Variants in CNTN4 observed in about 807,000 individuals in gnomAD.
CNTN4 encodes the protein contactin 4, also known as contactin-4.
In CNTN4, 77 loss-of-function variants were observed where a neutral mutation model predicts 122.5. That is an observed-to-expected ratio of 0.63 (90% CI 0.52 to 0.76). The LOEUF (loss-of-function observed/expected upper bound fraction) is 0.76, where lower values mean the gene tolerates loss of function less well. Among genes scored for constraint, CNTN4 ranks in the 30% least tolerant of loss-of-function variants. CNTN4 has a pLI of 0.00. For missense variants in CNTN4, 1,256 were observed against 1,259.1 expected, an observed-to-expected ratio of 1.00 and a Z score of 0.04; for synonymous variants, 512 against 447.0, an observed-to-expected ratio of 1.15 and a Z score of -1.83.
intron 6 of CNTN4, among the ~76,000 whole-genome samples, chr3:2,795,614 G>A (rs543147551): frequency 3.3e-5 from 5 of 151,308 alleles, no homozygotes; most frequent in South Asian, 2.1e-4. Flanking sequence ...TCTGCCTCCC[G>A]GGTTCACGCC....
intron 8 of CNTN4, among the ~76,000 whole-genome samples, chr3:2,880,791 T>C (rs571902784): frequency 2.6e-4 from 40 of 152,210 alleles, no homozygotes; most frequent in Non-Finnish European, 5.0e-4. Context: ...CGACTGGTTT[T>C]CTGTGGGACT....
intron 3 of CNTN4, among the ~76,000 whole-genome samples, chr3:2,517,590 C>T (rs58984120): frequency 0.14 from 20,697 of 152,122 alleles, 1,651 homozygotes; most frequent in African/African-American, 0.22. Flanking sequence ...TTCACTTTTC[C>T]TTTACCAAGC....
At chr3:2,982,602 A>T (rs1694134284) in intron 13 of CNTN4, among the ~76,000 whole-genome samples, 1 of 152,188 alleles carries the variant, frequency 6.6e-6, no homozygotes, top group African/African-American at 2.4e-5. Flanking sequence ...TTCCAAATTT[A>T]GCAATCCCAG....
chr3:2,599,816 T>C (rs900017898), intron 4 of CNTN4, among the ~76,000 whole-genome samples: 1 of 152,056 alleles, frequency 6.6e-6, no homozygotes, highest in African/African-American at 2.4e-5. Flanking sequence ...CTGAGGGAAT[T>C]AGATGGAGAA....
chr3:2,282,106 T>G (rs1361468513), intron 2 of CNTN4, among the ~76,000 whole-genome samples: 1 of 152,172 alleles, frequency 6.6e-6, no homozygotes, highest in Non-Finnish European at 1.5e-5. Flanking sequence ...ATATTTATAC[T>G]TTGTTTTCTA....
intron 4 of CNTN4, among the ~76,000 whole-genome samples, chr3:2,671,237 T>C (rs1383898855): frequency 6.6e-6 from 1 of 152,220 alleles, no homozygotes; most frequent in Non-Finnish European, 1.5e-5. Context: ...CAAACAGACG[T>C]AGATTTGGTC....
intron 6 of CNTN4, among the ~76,000 whole-genome samples, chr3:2,814,960 C>G (rs6802925): frequency 1.3e-5 from 2 of 152,078 alleles, no homozygotes; most frequent in Non-Finnish European, 2.9e-5. Context: ...GCCACAGTGA[C>G]AGAGCATTAT....
At chr3:2,148,582 A>G (rs932962657) in intron 2 of CNTN4, among the ~76,000 whole-genome samples, 1 of 152,052 alleles carries the variant, frequency 6.6e-6, no homozygotes, top group African/African-American at 2.4e-5. Flanking sequence ...TCTAACTGTA[A>G]TTTTCTAACT....
At chr3:2,190,670 C>T (rs1159402710) in intron 2 of CNTN4, among the ~76,000 whole-genome samples, 1 of 151,998 alleles carries the variant, frequency 6.6e-6, no homozygotes, top group Non-Finnish European at 1.5e-5. Flanking sequence ...CCCCATTCTC[C>T]ATTCATCCTA....
intron 4 of CNTN4, among the ~76,000 whole-genome samples, chr3:2,724,523 C>T (rs1281034307): frequency 2.0e-5 from 3 of 152,200 alleles, no homozygotes; most frequent in Admixed American, 6.5e-5. Flanking sequence ...TTTCAGATTA[C>T]TCCCTTTCAC....
intron 3 of CNTN4, among the ~76,000 whole-genome samples, chr3:2,464,630 G>T (rs1161193122): frequency 6.6e-6 from 1 of 152,166 alleles, no homozygotes; most frequent in African/African-American, 2.4e-5. Flanking sequence ...ACATTATTGG[G>T]ATTTTACATT....
At chr3:2,332,684 ACAC>A (rs1335860287) in intron 2 of CNTN4, among the ~76,000 whole-genome samples, 3 of 140,006 alleles carry the variant, frequency 2.1e-5, no homozygotes, top group Non-Finnish European at 4.6e-5. Flanking sequence ...GAACACATGG[ACAC>A]AGGAAGGGTA....
intron 4 of CNTN4, among the ~76,000 whole-genome samples, chr3:2,714,121 T>A (rs1364814590): frequency 6.6e-6 from 1 of 152,224 alleles, no homozygotes; most frequent in Non-Finnish European, 1.5e-5. Flanking sequence ...CACTCATTAT[T>A]GAAATGGGCT....
chr3:2,100,360 G>T (rs1165744182), intron 1 of CNTN4, among the ~76,000 whole-genome samples, 198 bp from the exon 2 acceptor site: 3 of 152,180 alleles, frequency 2.0e-5, no homozygotes, highest in Admixed American at 2.0e-4. Context: ...ACATAACTGA[G>T]TCGTTTGGAT....
chr3:2,322,510 G>A (rs1378512075), intron 2 of CNTN4, among the ~76,000 whole-genome samples: 1 of 151,990 alleles, frequency 6.6e-6, no homozygotes, highest in Non-Finnish European at 1.5e-5. Flanking sequence ...CAAGACAGAA[G>A]GCATAATAGT....
intron 7 of CNTN4, among the ~76,000 whole-genome samples, chr3:2,849,303 T>C (rs2093507090): frequency 6.6e-6 from 1 of 152,198 alleles, no homozygotes; most frequent in Non-Finnish European, 1.5e-5. Context: ...AGTTTCAGTT[T>C]GGGATTATGA....
At chr3:2,779,321 C>T (rs949189696) in intron 6 of CNTN4, among the ~76,000 whole-genome samples, 1 of 152,048 alleles carries the variant, frequency 6.6e-6, no homozygotes, top group African/African-American at 2.4e-5. Context: ...GGCTTGAGTG[C>T]AATGGTGCGA....
intron 2 of CNTN4, among the ~76,000 whole-genome samples, chr3:2,109,161 T>C (rs906301005): frequency 2.6e-5 from 4 of 152,214 alleles, no homozygotes; most frequent in Admixed American, 6.5e-5. Context: ...TCACAAATTT[T>C]CATAGTTCGG....
chr3:2,154,379 CAAAAA>C lies in CNTN4; in HGVS notation c.-145+53750_-145+53754del, dbSNP rs34618946. Among the ~76,000 whole-genome samples, 302 of 127,902 alleles carry C rather than the reference CAAAAA, an allele frequency of 2.4e-3. 2 individuals are homozygous for C. The highest frequency in any genetic ancestry group is 8.1e-3 in the African/African-American group (281 of 34,512). The allele number at this position is 127,902 out of a possible 152,430, so 83.9% of individuals were successfully genotyped here. ...CCTGGGTGACAAAGTGACACTGTCT[CAAAAA>C]AAAAAAAAATAAAAGTGGATATGGT... On this transcript the variant is annotated intron_variant, in intron 2 of 24. Transcript: ENST00000418658.
Sources: allele counts gnomAD v4.1 joint callset (sites outside exome capture counted in the v4.1 genomes callset), GRCh38; gene constraint gnomAD v4.1.1; transcripts MANE v1.5; gene names NCBI Gene and HGNC (gene_info 2026-07-23, HGNC 2026-07-21).